TRPM2: variants seen among roughly 807,000 people sequenced by gnomAD.
The protein encoded by TRPM2 is estrogen-responsive element-associated gene 1 protein.
Under a neutral mutation model 174.0 loss-of-function variants are expected in TRPM2, and 161 were observed. That is an observed-to-expected ratio of 0.93 (90% CI 0.81 to 1.05). The LOEUF (loss-of-function observed/expected upper bound fraction) is 1.05, where lower values mean the gene tolerates loss of function less well. Among genes scored for constraint, TRPM2 ranks in the 50% least tolerant of loss-of-function variants. The probability of loss-of-function intolerance (pLI) is 0.00; values close to 1 mark genes in which losing one functional copy is unlikely to be tolerated. For missense variants in TRPM2, 2,057 were observed against 2,038.0 expected, an observed-to-expected ratio of 1.01 and a Z score of -0.18; for synonymous variants, 954 against 861.3, an observed-to-expected ratio of 1.11 and a Z score of -1.88.
intron 5 of TRPM2, among the ~76,000 whole-genome samples, chr21:44,373,584 C>CGACCTGCATTATATGA (rs2048605877): frequency 9.4e-6 from 1 of 106,772 alleles, no homozygotes; most frequent in Non-Finnish European, 2.3e-5. Context: ...GCATTATATG[C>CGACCTGCATTATATGA]GACCTGCATT....
chr21:44,350,767 G>A (rs2122996295), upstream of TRPM2, among the ~76,000 whole-genome samples: 85 of 152,190 alleles, frequency 5.6e-4, no homozygotes, highest in Middle Eastern at 3.4e-3. Context: ...CAGAGGCGCG[G>A]GGCGCTGACT....
chr21:44,413,886 G>T lies in TRPM2; in HGVS notation c.2963-5G>T, dbSNP rs561851991. On this transcript the variant is annotated splice_polypyrimidine_tract_variant and splice_region_variant and intron_variant, in intron 19 of 31. Transcript: ENST00000397928. ...TGGCTCACCCACCCCCATTCCCAAC[G>T]CCAGGTGTGAACTTCAACCCGGAGC... 1.2e-5 allele frequency: 19 copies of T among 1,606,832 alleles called. No homozygotes were observed. Among genetic ancestry groups the T allele is most frequent in the Non-Finnish European group, 1.5e-5 (18 of 1,174,208 alleles).
intron 4 of TRPM2, 38 bp from the exon 5 acceptor site, chr21:44,369,139 A>G (rs1210717431): frequency 1.3e-6 from 2 of 1,548,294 alleles, no homozygotes; most frequent in East Asian, 2.3e-5. Flanking sequence ...GGTGCCCCTC[A>G]GTGCTGTGGG....
At chr21:44,390,849 G>T in intron 9 of TRPM2, 55 bp from the exon 10 acceptor site, 1 of 1,609,532 alleles carries the variant, frequency 6.2e-7, no homozygotes, top group South Asian at 1.1e-5. Context: ...TTTCCCTGGA[G>T]GGAAATGGCT....
chr21:44,426,619 G>A (rs1160988672), intron 25 of TRPM2, 41 bp from the exon 26 acceptor site: 19 of 1,606,324 alleles, frequency 1.2e-5, no homozygotes, highest in Non-Finnish European at 1.4e-5. Flanking sequence ...GCTTTGCAGT[G>A]GGGGTAAAAA....
chr21:44,395,639 G>C (rs529687282), intron 12 of TRPM2, 88 bp downstream of exon 12: 3 of 1,578,354 alleles, frequency 1.9e-6, no homozygotes, highest in Non-Finnish European at 2.6e-6. Context: ...TGGCTGGAGA[G>C]CCTGAGGCCA....
At chr21:44,406,516 C>A in intron 18 of TRPM2, 78 bp from the exon 19 acceptor site, 2 of 1,485,854 alleles carry the variant, frequency 1.3e-6, no homozygotes, top group Non-Finnish European at 9.0e-7. Flanking sequence ...GCTGTCTCCA[C>A]CGCTGCTGGG....
chr21:44,414,210 C>G, intron 20 of TRPM2, 136 bp downstream of exon 20: 1 of 1,175,222 alleles, frequency 8.5e-7, no homozygotes, highest in Admixed American at 2.0e-5. Context: ...CACTCATATC[C>G]TGGTGGAGTG....
At chr21:44,400,821 T>C (rs976616166) in intron 15 of TRPM2, among the ~76,000 whole-genome samples, 2 of 151,932 alleles carry the variant, frequency 1.3e-5, no homozygotes, top group Non-Finnish European at 2.9e-5. Flanking sequence ...AGGACACGGC[T>C]GGCCATGGTT....
intron 23 of TRPM2, among the ~76,000 whole-genome samples, chr21:44,424,628 G>A (rs2050683202): frequency 3.3e-5 from 5 of 152,224 alleles, no homozygotes; most frequent in Admixed American, 2.6e-4. Flanking sequence ...CATCAGATGT[G>A]TGACTTGGCA....
At chr21:44,359,751 A>G (rs1395287364) in intron 2 of TRPM2, among the ~76,000 whole-genome samples, 2 of 142,410 alleles carry the variant, frequency 1.4e-5, no homozygotes, top group Non-Finnish European at 3.1e-5. Flanking sequence ...ATGTATATAT[A>G]TATATATTTT....
At chr21:44,358,404 C>G (rs2048117650) in intron 2 of TRPM2, among the ~76,000 whole-genome samples, 1 of 152,166 alleles carries the variant, frequency 6.6e-6, no homozygotes, top group African/African-American at 2.4e-5. Flanking sequence ...CAGGAAGGAG[C>G]CCAGGTTGGA....
intron 2 of TRPM2, among the ~76,000 whole-genome samples, chr21:44,363,832 G>A (rs770231549): frequency 2.3e-4 from 35 of 152,140 alleles, no homozygotes; most frequent in Admixed American, 7.2e-4. Flanking sequence ...AAGGAAGGAG[G>A]TCCCCCCATC....
At chr21:44,350,169 G>C (rs1275783596), upstream of TRPM2, 5 of 152,016 alleles carry the variant, frequency 3.3e-5, no homozygotes. Context: ...CCACTGCACC[G>C]GGCACGCGGC....
Position 44,441,673 on chromosome 21 carries a change from TG to T in TRPM2, c.4387-18del. The T allele has an allele frequency of 1.9e-6, 3 of 1,600,732 alleles. No homozygotes were observed. Among genetic ancestry groups the T allele is most frequent in the Non-Finnish European group, 2.6e-6 (3 of 1,173,716 alleles). On this transcript the variant is annotated intron_variant, in intron 31 of 31. Coordinates refer to ENST00000397928, the MANE Select transcript of TRPM2 (RefSeq NM_003307.4). ...GGCAGGGCTGGCGGGGAGGGTCAGCTGTGCCCTTGTTCTTCCAGAACCTGCA... is the reference window on the plus strand; with the variant it reads ...GGCAGGGCTGGCGGGGAGGGTCAGCTTGCCCTTGTTCTTCCAGAACCTGCA...
In TRPM2 at chr21:44,376,758, G is replaced by T. The variant is rs114009279; in HGVS notation, c.952+745G>T. ...CGGGAGGTGTCTGACCTGTGGCTGG[G>T]TGGGCTGGGGTCCCTTGCAGGGTTC... On this transcript the variant is annotated intron_variant, in intron 6 of 31. Coordinates refer to ENST00000397928, the MANE Select transcript of TRPM2 (RefSeq NM_003307.4). The surrounding 1 kb of genome is among the most constrained non-coding windows in gnomAD (Gnocchi z 4.2). Among the ~76,000 whole-genome samples, 2 of 152,210 alleles carry T rather than the reference G, an allele frequency of 1.3e-5. No individual in the cohort carries two copies. Among genetic ancestry groups the T allele is most frequent in the Non-Finnish European group, 2.9e-5 (2 of 68,040 alleles).
Position 44,379,072 on chromosome 21 carries a change from G to A in TRPM2, c.1090G>A (p.Ala364Thr). Residue 364 changes from alanine (A) to threonine (T), a missense_variant, in exon 8 of 32, where the codon GCC (alanine) becomes ACC (threonine). By Grantham distance (58) the Ala-to-Thr change is moderately conservative (BLOSUM62 0). Coordinates refer to ENST00000397928, the MANE Select transcript of TRPM2 (RefSeq NM_003307.4). ...CTCGGGCCGCGTGGCCGACGTCATTGCCCAGGTGGCCAACCTGCCTGTCTC... is the reference window on the plus strand; with the variant it reads ...CTCGGGCCGCGTGGCCGACGTCATTACCCAGGTGGCCAACCTGCCTGTCTC... ...EGSGRVADVIAQVANLPVSDI... is the reference protein window; with the variant it reads ...EGSGRVADVITQVANLPVSDI... 6.2e-7 allele frequency: 1 copy of A among 1,612,684 alleles called. No individual in the cohort carries two copies. Among genetic ancestry groups the A allele is most frequent in the Non-Finnish European group, 8.5e-7 (1 of 1,179,992 alleles).
chr21:44,421,755 A>G (rs1416091449), intron 22 of TRPM2, among the ~76,000 whole-genome samples: 1 of 152,064 alleles, frequency 6.6e-6, no homozygotes, highest in African/African-American at 2.4e-5. Flanking sequence ...TACAAAAAAT[A>G]AAAAAACAAC....
rs368164390 is a variant in TRPM2, at chr21:44,406,785, G to A, written c.2962+20G>A. 529 of 1,586,446 alleles carry A rather than the reference G, an allele frequency of 3.3e-4. 7 individuals are homozygous for A. Among genetic ancestry groups the A allele is most frequent in the Non-Finnish European group, 8.0e-5 (94 of 1,168,988 alleles). On this transcript the variant is annotated intron_variant, in intron 19 of 31. Coordinates refer to ENST00000397928, the MANE Select transcript of TRPM2 (RefSeq NM_003307.4). ...TCGACGGTAGGAGCCGGGCGCCATGGGAGCTCGGGTGGTGCTGCCGGGAAG... is the reference window on the plus strand; with the variant it reads ...TCGACGGTAGGAGCCGGGCGCCATGAGAGCTCGGGTGGTGCTGCCGGGAAG...
Sources: gnomAD v4.1 joint callset for allele counts (sites outside exome capture counted in the v4.1 genomes callset) on GRCh38, gnomAD v4.1.1 for gene constraint, Gnocchi (gnomAD v3.1) non-coding constraint, MANE v1.5 for transcripts, NCBI Gene and HGNC (gene_info 2026-07-23, HGNC 2026-07-21) for gene names.